CRISPLD2: variants seen among roughly 807,000 people sequenced by gnomAD.
The protein encoded by CRISPLD2 is cysteine rich secretory protein LCCL domain containing 2, also known as cysteine-rich secretory protein LCCL domain-containing 2.
A neutral mutation model predicts 71.1 loss-of-function variants in CRISPLD2; 47 were observed. That is an observed-to-expected ratio of 0.66 (90% CI 0.52 to 0.84). The LOEUF (loss-of-function observed/expected upper bound fraction) is 0.84. CRISPLD2 is among the 40% of genes least tolerant of loss of function. The pLI is 0.00. For missense variants in CRISPLD2, 830 were observed against 651.1 expected, an observed-to-expected ratio of 1.27 and a Z score of -2.99; for synonymous variants, 317 against 250.1, an observed-to-expected ratio of 1.27 and a Z score of -2.52.
At chr16:84,896,497 C>T (rs1433267938) in intron 14 of CRISPLD2, among the ~76,000 whole-genome samples, 1 of 152,150 alleles carries the variant, frequency 6.6e-6, no homozygotes, top group Non-Finnish European at 1.5e-5. Flanking sequence ...CATATGTATT[C>T]AGCAAAAACC....
chr16:84,893,287 A>G (rs1286565190), intron 14 of CRISPLD2, among the ~76,000 whole-genome samples: 3 of 152,220 alleles, frequency 2.0e-5, no homozygotes, highest in Non-Finnish European at 2.9e-5. Flanking sequence ...GCTCACAGTA[A>G]GCATGACATG....
At chr16:84,833,724 T>TG (rs1043561276) in intron 1 of CRISPLD2, among the ~76,000 whole-genome samples, 5 of 151,942 alleles carry the variant, frequency 3.3e-5, no homozygotes, top group African/African-American at 1.2e-4. Context: ...CCGATGGTGG[T>TG]GGGGGGGCGT....
intron 6 of CRISPLD2, among the ~76,000 whole-genome samples, chr16:84,859,915 C>T (rs1917336712): frequency 6.6e-6 from 1 of 152,206 alleles, no homozygotes; most frequent in African/African-American, 2.4e-5. Context: ...CTGTGGTTCC[C>T]ACTGTTAGAT....
chr16:84,890,585 C>T (rs111614609), intron 14 of CRISPLD2, among the ~76,000 whole-genome samples: 133 of 152,154 alleles, frequency 8.7e-4, no homozygotes, highest in African/African-American at 2.4e-3. Flanking sequence ...AATGCTTGCA[C>T]ACACCGTGAC....
At chr16:84,861,796 G>A (rs1392467547) in intron 6 of CRISPLD2, among the ~76,000 whole-genome samples, 7 of 152,170 alleles carry the variant, frequency 4.6e-5, no homozygotes, top group South Asian at 4.1e-4. Flanking sequence ...GTGTGGTCAC[G>A]TGCACCTGTG....
At chr16:84,870,380 C>A (rs905814989) in intron 8 of CRISPLD2, among the ~76,000 whole-genome samples, 2 of 151,784 alleles carry the variant, frequency 1.3e-5, no homozygotes, top group African/African-American at 4.8e-5. Flanking sequence ...AGTGCAGCAG[C>A]ATGATCTCGG....
intron 5 of CRISPLD2, among the ~76,000 whole-genome samples, chr16:84,851,094 C>G (rs546317032): frequency 6.6e-6 from 1 of 152,346 alleles, no homozygotes; most frequent in Admixed American, 6.5e-5. Context: ...CTGGGACCAA[C>G]TGAACAAAGT....
intron 13 of CRISPLD2, among the ~76,000 whole-genome samples, chr16:84,882,347 C>CAAAAA (rs80146835): frequency 2.5e-4 from 19 of 77,442 alleles, no homozygotes; most frequent in Non-Finnish European, 4.3e-4. Flanking sequence ...ACCAATAAAG[C>CAAAAA]AAAAAAAAAA....
chr16:84,830,489 A>G (rs923919591), intron 1 of CRISPLD2, among the ~76,000 whole-genome samples: 3 of 152,160 alleles, frequency 2.0e-5, no homozygotes, highest in African/African-American at 7.2e-5. Flanking sequence ...GGATTGCCTG[A>G]GGTCAGGAGT....
chr16:84,857,069 A>T (rs1188159497), intron 6 of CRISPLD2, among the ~76,000 whole-genome samples: 2 of 152,218 alleles, frequency 1.3e-5, no homozygotes, highest in Non-Finnish European at 2.9e-5. Flanking sequence ...TAGCTGGCTG[A>T]TCACCCCGAG....
At position 84,850,647 on chromosome 16, in the gene CRISPLD2, A is replaced by T; in HGVS notation, c.572A>T (p.Glu191Val). Residue 191 changes from glutamate (E) to valine (V), a missense_variant, in exon 5 of 15, where the codon GAG (glutamate) becomes GTG (valine). By Grantham distance (121) the Glu-to-Val change is moderately radical. Coordinates refer to ENST00000262424, the MANE Select transcript of CRISPLD2 (RefSeq NM_031476.4). Reference protein sequence around the residue: ...RKMTVWGEVWENAVYFVCNYS... With the variant: ...RKMTVWGEVWVNAVYFVCNYS... ...ATGACTGTCTGGGGAGAAGTTTGGG[A>T]GAACGCGGTCTACTTTGTCTGCAAT... is the stretch of plus-strand genomic sequence containing the variant. The T allele has an allele frequency of 1.2e-6, 2 of 1,614,128 alleles. No homozygotes were observed. The highest frequency in any genetic ancestry group is 1.7e-6 in the Non-Finnish European group (2 of 1,180,014).
At position 84,851,395 on chromosome 16, in the gene CRISPLD2, G is replaced by C. The variant is rs566245404; in HGVS notation, c.608+712G>C. ...GAGTCACTCCCCCAGTTCATGGCCT[G>C]AGGTTTGCATGCTGGCCGCTGGCCA... is the stretch of plus-strand genomic sequence containing the variant. On this transcript the variant is annotated intron_variant, in intron 5 of 14. Coordinates refer to ENST00000262424, the MANE Select transcript of CRISPLD2 (RefSeq NM_031476.4). 3.1e-3 allele frequency among the ~76,000 whole-genome samples: 471 copies of C among 152,348 alleles called. 1 individual carries two copies. Among genetic ancestry groups the C allele is most frequent in the African/African-American group, 0.011 (456 of 41,580 alleles).
intron 14 of CRISPLD2, among the ~76,000 whole-genome samples, chr16:84,892,867 T>G (rs2071674668): frequency 6.7e-6 from 1 of 149,680 alleles, no homozygotes; most frequent in African/African-American, 2.5e-5. Flanking sequence ...TGCCAGCTAC[T>G]CGGGAGGCTG....
rs2071553248 is a variant in CRISPLD2 at position 84,879,870 on chromosome 16, A to C, written c.1230-639A>C. On this transcript the variant is annotated intron_variant, in intron 12 of 14. Transcript: ENST00000262424. ...GCTCCAGCCCACGGTGGACTGTTCC[A>C]GATAAACACAGAAGATCTTTTCTTA... 1.3e-5 allele frequency among the ~76,000 whole-genome samples: 2 copies of C among 152,136 alleles called. 1 individual carries two copies. Among genetic ancestry groups the C allele is most frequent in the South Asian group, 4.1e-4 (2 of 4,824 alleles).
At chr16:84,860,211 C>T (rs1326569428) in intron 6 of CRISPLD2, among the ~76,000 whole-genome samples, 1 of 152,154 alleles carries the variant, frequency 6.6e-6, no homozygotes. Flanking sequence ...CCTTTTTTAA[C>T]TCCCTGAGCT....
At chr16:84,858,663 A>T (rs1386131426) in intron 6 of CRISPLD2, among the ~76,000 whole-genome samples, 1 of 152,240 alleles carries the variant, frequency 6.6e-6, no homozygotes, top group African/African-American at 2.4e-5. Flanking sequence ...AAAGCAATCA[A>T]GTTCTCTCTG....
chr16:84,905,163 A>C (rs892174712), intron 14 of CRISPLD2, among the ~76,000 whole-genome samples: 1 of 152,122 alleles, frequency 6.6e-6, no homozygotes, highest in African/African-American at 2.4e-5. Flanking sequence ...GCTGCTCAGG[A>C]GGCTGAGGAG....
intron 5 of CRISPLD2, among the ~76,000 whole-genome samples, chr16:84,851,402 G>C (rs1765146736): frequency 6.6e-6 from 1 of 152,210 alleles, no homozygotes; most frequent in African/African-American, 2.4e-5. Context: ...CCTGAGGTTT[G>C]CATGCTGGCC....
intron 1 of CRISPLD2, among the ~76,000 whole-genome samples, chr16:84,836,976 G>A (rs1168820400): frequency 6.6e-6 from 1 of 152,216 alleles, no homozygotes; most frequent in Non-Finnish European, 1.5e-5. Context: ...TGTGGGGACT[G>A]CGGGTTTCCT....
Sources: gnomAD v4.1 joint callset for allele counts (sites outside exome capture counted in the v4.1 genomes callset) on GRCh38, gnomAD v4.1.1 for gene constraint, MANE v1.5 for transcripts, NCBI Gene and HGNC (gene_info 2026-07-23, HGNC 2026-07-21) for gene names.